TTC29: variants seen among roughly 807,000 people sequenced by gnomAD.
TTC29 encodes the protein tetratricopeptide repeat domain 29.
TTC29 carries 49 observed loss-of-function variants against 58.1 expected under a neutral mutation model. The ratio of observed to expected loss-of-function variants is 0.84; its 90% CI spans 0.67 to 1.07. The LOEUF (loss-of-function observed/expected upper bound fraction) is 1.07. Ranked by LOEUF, TTC29 falls within the 50% of genes least tolerant of loss-of-function variation. The pLI is 0.00. For missense variants in TTC29, 582 were observed against 555.6 expected (o/e 1.05, Z -0.48); for synonymous variants, 209 against 196.8 (o/e 1.06, Z -0.52).
intron 6 of TTC29, among the ~76,000 whole-genome samples, chr4:146,879,728 A>G (rs147798012): frequency 6.6e-6 from 1 of 152,284 alleles, no homozygotes; most frequent in African/African-American, 2.4e-5. Context: ...TAAGTGTCCA[A>G]GGACTGTCCT....
intron 7 of TTC29, among the ~76,000 whole-genome samples, chr4:146,870,288 C>G (rs1284827139): frequency 6.6e-6 from 1 of 151,648 alleles, no homozygotes; most frequent in East Asian, 1.9e-4. Flanking sequence ...ACAAGGTAAA[C>G]CAAAAAATAC....
At chr4:146,803,796 G>C in intron 10 of TTC29, 111 bp from the exon 11 acceptor site, 1 of 766,186 alleles carries the variant, frequency 1.3e-6, no homozygotes, top group Non-Finnish European at 2.0e-6. Flanking sequence ...AGTTACAGCA[G>C]TTCATCTTCA....
At chr4:146,915,392 A>G (rs946577783) in intron 4 of TTC29, among the ~76,000 whole-genome samples, 1 of 152,026 alleles carries the variant, frequency 6.6e-6, no homozygotes. Flanking sequence ...GTTGGGTTGG[A>G]GACAGAGATC....
intron 8 of TTC29, among the ~76,000 whole-genome samples, chr4:146,848,998 T>A (rs1729351655): frequency 2.0e-5 from 3 of 152,184 alleles, no homozygotes; most frequent in African/African-American, 7.2e-5. Context: ...TTCTTCTTGC[T>A]TGAATCTCTA....
chr4:146,752,344 G>C (rs1746072341), intron 11 of TTC29, among the ~76,000 whole-genome samples: 1 of 81,176 alleles, frequency 1.2e-5, no homozygotes. Context: ...AAAATAACAA[G>C]GGATGTGAAG....
chr4:146,740,506 A>G (rs1745047323), intron 11 of TTC29, among the ~76,000 whole-genome samples: 1 of 152,064 alleles, frequency 6.6e-6, no homozygotes, highest in South Asian at 2.1e-4. Flanking sequence ...ATATGTATAC[A>G]TGTATGTTGT....
intron 11 of TTC29, among the ~76,000 whole-genome samples, chr4:146,786,828 TA>T (rs947660472): frequency 6.6e-6 from 1 of 152,038 alleles, no homozygotes; most frequent in African/African-American, 2.4e-5. Flanking sequence ...GTCACTGAAC[TA>T]AGGCTGGGCA....
chr4:146,940,106 T>G (rs1216979347), intron 2 of TTC29, among the ~76,000 whole-genome samples: 2 of 152,226 alleles, frequency 1.3e-5, no homozygotes, highest in Non-Finnish European at 2.9e-5. Context: ...GTCTGCTTTT[T>G]GGCCAACTTA....
chr4:146,796,551 C>T (rs1404173798), intron 11 of TTC29, among the ~76,000 whole-genome samples: 1 of 152,024 alleles, frequency 6.6e-6, no homozygotes, highest in Admixed American at 6.6e-5. Context: ...ACACCAATAA[C>T]ATGACTACTG....
chr4:146,778,486 T>G lies in TTC29; in HGVS notation c.1330+24971A>C, dbSNP rs557375484. 5.9e-5 allele frequency among the ~76,000 whole-genome samples: 9 copies of G among 152,288 alleles called. No homozygotes were observed. The East Asian group carries it at 1.7e-3, about 29-fold the overall frequency. On this transcript the variant is annotated intron_variant, in intron 11 of 12. Coordinates refer to ENST00000325106, the MANE Select transcript of TTC29 (RefSeq NM_031956.4). ...GTCTGTATGATATCAATCCTATAGA[T>G]TCTGTCAAGGATCGTTTCATGGGTG... is the stretch of plus-strand genomic sequence containing the variant.
chr4:146,762,993 T>G (rs1450236410), intron 11 of TTC29, among the ~76,000 whole-genome samples: 1 of 152,098 alleles, frequency 6.6e-6, no homozygotes, highest in Non-Finnish European at 1.5e-5. Flanking sequence ...GAAGTTTTCA[T>G]AGCAGTCAAT....
intron 11 of TTC29, chr4:146,764,143 T>G (rs530142802): frequency 6.6e-6 from 1 of 152,256 alleles, no homozygotes; most frequent in East Asian, 1.9e-4. Context: ...TGGTGATTTC[T>G]AACATTCAGA....
At chr4:146,764,548 G>GA (rs891813345) in intron 11 of TTC29, among the ~76,000 whole-genome samples, 2 of 151,374 alleles carry the variant, frequency 1.3e-5, no homozygotes, top group South Asian at 2.1e-4. Flanking sequence ...ATTTTAAAAA[G>GA]AAAAAAAACC....
chr4:146,890,825 TTTTG>T (rs1188831446), intron 6 of TTC29, among the ~76,000 whole-genome samples: 2 of 152,150 alleles, frequency 1.3e-5, no homozygotes, highest in Non-Finnish European at 2.9e-5. Flanking sequence ...AGCCTGTTTC[TTTTG>T]TTTGTTTGTT....
At chr4:146,847,824 C>T (rs1729271659) in intron 8 of TTC29, among the ~76,000 whole-genome samples, 1 of 152,174 alleles carries the variant, frequency 6.6e-6, no homozygotes, top group African/African-American at 2.4e-5. Flanking sequence ...GTCTGAGTTG[C>T]TTTTATCACG....
At chr4:146,803,428 C>A in intron 11 of TTC29, 29 bp downstream of exon 11, 2 of 1,428,770 alleles carry the variant, frequency 1.4e-6, no homozygotes, top group Non-Finnish European at 1.9e-6. Context: ...GATATGAAAA[C>A]TAAAGTGTTC....
At chr4:146,739,172 T>C (rs1009102272) in intron 11 of TTC29, among the ~76,000 whole-genome samples, 45 of 152,348 alleles carry the variant, frequency 3.0e-4, no homozygotes, top group African/African-American at 1.1e-3. Context: ...CTGTCTATTA[T>C]AGGATGAAGA....
chr4:146,709,314 T>C (rs2149987967), intron 11 of TTC29, among the ~76,000 whole-genome samples: 1 of 152,244 alleles, frequency 6.6e-6, no homozygotes, highest in East Asian at 1.9e-4. Context: ...TGCCTCCTTT[T>C]GTATTTCCAG....
chr4:146,899,445 A>G (rs1449187039), intron 6 of TTC29, among the ~76,000 whole-genome samples: 3 of 152,158 alleles, frequency 2.0e-5, no homozygotes, highest in Non-Finnish European at 4.4e-5. Context: ...ACAATTCTGA[A>G]AGAAGATACA....
Sources: gnomAD v4.1 joint callset for allele counts (sites outside exome capture counted in the v4.1 genomes callset) on GRCh38, gnomAD v4.1.1 for gene constraint, MANE v1.5 for transcripts, NCBI Gene and HGNC (gene_info 2026-07-23, HGNC 2026-07-21) for gene names.